SKA2: variants seen among roughly 807,000 people sequenced by gnomAD.
SKA2 encodes the protein spindle and kinetochore associated complex subunit 2, also known as spindle and kinetochore-associated protein 2.
Under a neutral mutation model 16.9 loss-of-function variants are expected in SKA2, and 13 were observed. The ratio of observed to expected loss-of-function variants is 0.77; its 90% confidence interval spans 0.50 to 1.22. The LOEUF is 1.22. Ranked by LOEUF, SKA2 falls within the 50% of genes most tolerant of loss-of-function variation. SKA2 has a pLI of 0.00. For synonymous variants in SKA2, 47 were observed against 48.5 expected (o/e 0.97, Z 0.13); for missense variants, 107 against 139.7 (o/e 0.77, Z 1.18).
At chr17:59,147,890 A>G (rs1363525052) in intron 1 of SKA2, among the ~76,000 whole-genome samples, 1 of 151,884 alleles carries the variant, frequency 6.6e-6, no homozygotes, top group East Asian at 1.9e-4. Context: ...TTGCCCAGGC[A>G]GGAGTGCAGT....
chr17:59,120,508 A>G (rs1157379077), intron 2 of SKA2, among the ~76,000 whole-genome samples: 2 of 152,092 alleles, frequency 1.3e-5, no homozygotes, highest in Non-Finnish European at 2.9e-5. Flanking sequence ...TCAGCCTCCC[A>G]AAGTGCTAGA....
intron 3 of SKA2, among the ~76,000 whole-genome samples, chr17:59,117,066 C>T (rs999341492): frequency 1.3e-5 from 2 of 152,012 alleles, no homozygotes; most frequent in Admixed American, 1.3e-4. Context: ...CCTCCCTCCT[C>T]GGCCTCCCAA....
At position 59,131,805 on chromosome 17, in the gene SKA2, T is replaced by C. The variant is rs373914438; in HGVS notation, c.34-438A>G. On this transcript the variant is annotated intron_variant, in intron 1 of 3. Coordinates refer to ENST00000330137, the MANE Select transcript of SKA2 (RefSeq NM_182620.4). Reference sequence around the variant, plus strand: ...GGAATACTCATATTGTTACCTTTATTTGCAATCCCATTGATCAAAGAGCTA... The same window carrying C: ...GGAATACTCATATTGTTACCTTTATCTGCAATCCCATTGATCAAAGAGCTA... Among the ~76,000 whole-genome samples, 10 of 152,282 alleles carry C rather than the reference T, an allele frequency of 6.6e-5. No individual in the cohort carries two copies. The East Asian group carries it at 1.5e-3, about 23-fold the overall frequency.
At chr17:59,143,235 ACT>A (rs1349703499) in intron 1 of SKA2, among the ~76,000 whole-genome samples, 1 of 150,656 alleles carries the variant, frequency 6.6e-6, no homozygotes, top group Non-Finnish European at 1.5e-5. Flanking sequence ...AGAGAGTCTC[ACT>A]CTGTCACCCA....
intron 1 of SKA2, among the ~76,000 whole-genome samples, chr17:59,144,361 A>G (rs543686075): frequency 5.9e-5 from 9 of 152,328 alleles, no homozygotes; most frequent in Admixed American, 5.9e-4. Flanking sequence ...GTGGCTTCTC[A>G]AAAAACTAAA....
chr17:59,127,934 T>C (rs1481790294), intron 2 of SKA2, among the ~76,000 whole-genome samples: 1 of 151,670 alleles, frequency 6.6e-6, no homozygotes, highest in East Asian at 2.0e-4. Flanking sequence ...AAATGGAGTA[T>C]GGGCCGGGCA....
At chr17:59,152,088 G>A (rs1349550763) in intron 1 of SKA2, among the ~76,000 whole-genome samples, 2 of 152,080 alleles carry the variant, frequency 1.3e-5, no homozygotes, top group Non-Finnish European at 2.9e-5. Flanking sequence ...TGTAAACCCA[G>A]AAACAGAAAT....
intron 2 of SKA2, among the ~76,000 whole-genome samples, chr17:59,124,799 C>T (rs767702454): frequency 3.9e-5 from 6 of 151,990 alleles, no homozygotes; most frequent in Admixed American, 1.3e-4. Context: ...GACATTAGCT[C>T]GATCAATAAG....
Position 59,119,867 on chromosome 17 carries a change from GT to G in SKA2, c.121-373del, listed in dbSNP as rs1186157571. On this transcript the variant is annotated intron_variant, in intron 2 of 3. Coordinates refer to ENST00000330137, the MANE Select transcript of SKA2 (RefSeq NM_182620.4). ...CAGAAGAAGATAAAAGGCACTATTAGTATTTGTTCTTAAAGAATAAGAACTT... is the reference window on the plus strand; with the variant it reads ...CAGAAGAAGATAAAAGGCACTATTAGATTTGTTCTTAAAGAATAAGAACTT... Among the ~76,000 whole-genome samples the G allele has an allele frequency of 4.6e-5, 7 of 151,656 alleles. 1 individual carries two copies. The highest frequency in any genetic ancestry group is 4.6e-4 in the Admixed American group (7 of 15,220).
chr17:59,121,715 G>A (rs1277485603), intron 2 of SKA2, among the ~76,000 whole-genome samples: 15 of 148,122 alleles, frequency 1.0e-4, no homozygotes, highest in Admixed American at 8.2e-4. Flanking sequence ...TTGGGAGGCC[G>A]AGGCGGGCGG....
At chr17:59,117,965 T>A (rs1299642232) in intron 3 of SKA2, 2 of 152,202 alleles carry the variant, frequency 1.3e-5, no homozygotes, top group African/African-American at 4.8e-5. Flanking sequence ...CTCAGATGAC[T>A]GAAATCCTCT....
At position 59,135,101 on chromosome 17, in the gene SKA2, C is replaced by A. The variant is rs112482321; in HGVS notation, c.34-3734G>T. On this transcript the variant is annotated intron_variant, in intron 1 of 3. Coordinates refer to ENST00000330137, the MANE Select transcript of SKA2 (RefSeq NM_182620.4). ...CGGCCTGCCTCGGCCTCCCAAAGCG[C>A]TGGGATTACAGGTGTGAGCCACCAG... Among the ~76,000 whole-genome samples the A allele has an allele frequency of 2.3e-3, 347 of 151,962 alleles. 4 individuals are homozygous for A. Among genetic ancestry groups the A allele is most frequent in the African/African-American group, 8.0e-3 (332 of 41,444 alleles).
chr17:59,122,832 AGG>A lies in SKA2; in HGVS notation c.121-3339_121-3338del, dbSNP rs2046344213. On this transcript the variant is annotated intron_variant, in intron 2 of 3. Transcript: ENST00000330137. ...GAGATGAGGTTTCGCCATGTTGGCCAGGCTGGTCTAGAACTCCTGACCTCAGG... is the reference window on the plus strand; with the variant it reads ...GAGATGAGGTTTCGCCATGTTGGCCACTGGTCTAGAACTCCTGACCTCAGG... Among the ~76,000 whole-genome samples, 9 of 152,068 alleles carry A rather than the reference AGG, an allele frequency of 5.9e-5. 1 individual carries two copies. The highest frequency in any genetic ancestry group is 5.2e-4 in the Admixed American group (8 of 15,256).
intron 3 of SKA2, among the ~76,000 whole-genome samples, chr17:59,118,911 A>G (rs559613768): frequency 6.6e-6 from 1 of 152,304 alleles, no homozygotes; most frequent in African/African-American, 2.4e-5. Context: ...AATATCACAT[A>G]TGCAGCCCTT....
intron 1 of SKA2, among the ~76,000 whole-genome samples, chr17:59,139,622 T>C (rs2046473225): frequency 1.3e-5 from 2 of 152,048 alleles, no homozygotes; most frequent in Admixed American, 1.3e-4. Flanking sequence ...AGTGCTAGGA[T>C]TACAGGTGTC....
At chr17:59,121,023 GCACCTGT>G (rs1242373313) in intron 2 of SKA2, among the ~76,000 whole-genome samples, 1 of 151,804 alleles carries the variant, frequency 6.6e-6, no homozygotes, top group Admixed American at 6.6e-5. Context: ...ATTGTGGCGG[GCACCTGT>G]AGTCCCAGCT....
chr17:59,147,214 G>A (rs1314675272), intron 1 of SKA2, among the ~76,000 whole-genome samples: 1 of 151,606 alleles, frequency 6.6e-6, no homozygotes, highest in Non-Finnish European at 1.5e-5. Flanking sequence ...CCTCCTCTAG[G>A]TTATTAAAAA....
At chr17:59,149,051 C>T (rs569251090) in intron 1 of SKA2, among the ~76,000 whole-genome samples, 2 of 152,170 alleles carry the variant, frequency 1.3e-5, no homozygotes, top group South Asian at 4.1e-4. Context: ...AAAACTAGAA[C>T]CCTTATCAAT....
intron 2 of SKA2, among the ~76,000 whole-genome samples, chr17:59,120,987 C>T (rs535033305): frequency 6.6e-5 from 10 of 151,770 alleles, no homozygotes; most frequent in South Asian, 2.1e-4. Flanking sequence ...CCCGTCTCTA[C>T]GAAAAATACA....
Sources: allele counts gnomAD v4.1 joint callset (sites outside exome capture counted in the v4.1 genomes callset), GRCh38; gene constraint gnomAD v4.1.1; transcripts MANE v1.5; gene names NCBI Gene and HGNC (gene_info 2026-07-23, HGNC 2026-07-21).